Variants in BCL11B observed in about 807,000 individuals in gnomAD.
BCL11B encodes BCL11 transcription factor B, also known as B-cell lymphoma/leukemia 11B.
A neutral mutation model predicts 49.9 loss-of-function variants in BCL11B; 8 were observed. The ratio of observed to expected loss-of-function variants is 0.16; its 90% CI spans 0.09 to 0.29. The LOEUF is 0.29. Ranked by LOEUF, BCL11B falls within the 10% of genes least tolerant of loss-of-function variation. BCL11B has a pLI of 1.00. For synonymous variants in BCL11B, 739 were observed against 637.4 expected, an observed-to-expected ratio of 1.16 and a Z score of -2.40; for missense variants, 1,006 against 1,351.0, an observed-to-expected ratio of 0.74 and a Z score of 4.00.
intron 1 of BCL11B, among the ~76,000 whole-genome samples, chr14:99,259,454 C>T (rs1043798043): frequency 1.3e-5 from 2 of 152,292 alleles, no homozygotes; most frequent in South Asian, 2.1e-4. Context: ...CGATGTAAGA[C>T]GTACAACGCG....
chr14:99,245,950 C>A (rs1595070445), intron 2 of BCL11B, among the ~76,000 whole-genome samples: 2 of 146,824 alleles, frequency 1.4e-5, no homozygotes, highest in East Asian at 4.1e-4. Context: ...CCGACGGGGG[C>A]GGGGGGGAAA....
chr14:99,210,186 G>A (rs1424451438), intron 3 of BCL11B, among the ~76,000 whole-genome samples: 1 of 152,202 alleles, frequency 6.6e-6, no homozygotes. Flanking sequence ...TATGGTATAG[G>A]AGGGAGCAAT....
intron 3 of BCL11B, among the ~76,000 whole-genome samples, chr14:99,219,893 C>T (rs2139863086): frequency 6.6e-6 from 1 of 151,910 alleles, no homozygotes; most frequent in South Asian, 2.1e-4. Flanking sequence ...GGATTCAAGA[C>T]CCTCAACTAA....
chr14:99,233,359 C>T (rs78284991), intron 2 of BCL11B, among the ~76,000 whole-genome samples: 12,858 of 152,182 alleles, frequency 0.084, 763 homozygotes, highest in Non-Finnish European at 0.12. Context: ...GTTGTGTCCC[C>T]GAAGCCCGCA....
chr14:99,190,907 C>CGGTGG (rs1555377598), intron 3 of BCL11B, among the ~76,000 whole-genome samples: 27 of 151,280 alleles, frequency 1.8e-4, no homozygotes, highest in African/African-American at 5.6e-4. Flanking sequence ...TTCGGCCACA[C>CGGTGG]GGGGGGGGTC....
intron 3 of BCL11B, among the ~76,000 whole-genome samples, chr14:99,218,502 C>A (rs1887920161): frequency 6.6e-6 from 1 of 152,124 alleles, no homozygotes; most frequent in East Asian, 1.9e-4. Context: ...AGTCTGAGTG[C>A]TAGCCGAAGG....
chr14:99,238,276 C>T (rs996226224), intron 2 of BCL11B, among the ~76,000 whole-genome samples: 2 of 152,194 alleles, frequency 1.3e-5, no homozygotes, highest in Admixed American at 6.5e-5. Flanking sequence ...CTTTCTCCTC[C>T]TTCCACCAGA....
At position 99,271,296 on chromosome 14, in the gene BCL11B, C is replaced by CCA; in HGVS notation, c.-79_-78insTG. The CCA allele has an allele frequency of 1.1e-6, 1 of 893,742 alleles. No homozygotes were observed. The highest frequency in any genetic ancestry group is 1.5e-6 in the Non-Finnish European group (1 of 683,376). The allele number at this position is 893,742 out of a possible 1,614,324, so 55.4% of individuals were successfully genotyped here. On this transcript the variant is annotated 5_prime_UTR_variant, in exon 1 of 4. Transcript: ENST00000357195. ...CCGGGGGAGGGGGTCCGAGCCGCCGCCGCGCCGCTGCCGCCGCTGCCGCCG... is the reference window on the plus strand; with the variant it reads ...CCGGGGGAGGGGGTCCGAGCCGCCGCCACGCGCCGCTGCCGCCGCTGCCGCCG...
At chr14:99,176,711 T>C (rs1212723982) in intron 3 of BCL11B, among the ~76,000 whole-genome samples, 2 of 152,096 alleles carry the variant, frequency 1.3e-5, no homozygotes, top group Non-Finnish European at 2.9e-5. Context: ...GCAGGATGTT[T>C]AGCAACATCC....
intron 3 of BCL11B, among the ~76,000 whole-genome samples, chr14:99,182,337 G>T (rs759815909): frequency 6.6e-6 from 1 of 152,142 alleles, no homozygotes; most frequent in African/African-American, 2.4e-5. Context: ...TAGGGGATCC[G>T]CCTGGGGCTG....
At position 99,221,224 on chromosome 14, in the gene BCL11B, A is replaced by C. The variant is rs72702651; in HGVS notation, c.640+10121T>G. ...TGGCTAATAAAACCCAAGGAAATTC[A>C]TGCAAAAGAACTTGAGTCAGAACTG... On this transcript the variant is annotated intron_variant, in intron 3 of 3. Coordinates refer to ENST00000357195, the MANE Select transcript of BCL11B (RefSeq NM_138576.4). Among the ~76,000 whole-genome samples, 631 of 152,334 alleles carry C rather than the reference A, an allele frequency of 4.1e-3. 3 individuals carry two copies. Among genetic ancestry groups the C allele is most frequent in the Middle Eastern group, 0.02 (6 of 294 alleles).
intron 1 of BCL11B, among the ~76,000 whole-genome samples, chr14:99,259,786 A>G (rs1378795070): frequency 6.6e-6 from 1 of 152,242 alleles, no homozygotes; most frequent in Non-Finnish European, 1.5e-5. Flanking sequence ...CCACGTAATT[A>G]ATTTACCAAT....
Position 99,248,383 on chromosome 14 carries a change from A to G in BCL11B, c.427+9088T>C, listed in dbSNP as rs1486090732. ...GTCCTGATCACACCCTCCCCTGAGG[A>G]GGCTCCCACTCCCTGTGTGCCCAGA... On this transcript the variant is annotated intron_variant, in intron 2 of 3. Coordinates refer to ENST00000357195, the MANE Select transcript of BCL11B (RefSeq NM_138576.4). This position sits in a 1 kb window ranked among gnomAD's most constrained non-coding sequence, Gnocchi z 4.7. 6.6e-6 allele frequency among the ~76,000 whole-genome samples: 1 copy of G among 152,146 alleles called. No homozygotes were observed. The highest frequency in any genetic ancestry group is 1.5e-5 in the Non-Finnish European group (1 of 68,020).
In BCL11B at chr14:99,271,513, G is replaced by A. The variant is rs1430614351; in HGVS notation, c.-295C>T. 5.0e-5 allele frequency: 8 copies of A among 158,628 alleles called. No individual in the cohort carries two copies. Among genetic ancestry groups the A allele is most frequent in the African/African-American group, 1.6e-4 (6 of 38,076 alleles). 9.8% of individuals were successfully genotyped at this position (158,628 alleles called of 1,614,324 possible). A position where few individuals can be genotyped will look rare whatever the true frequency, so the allele number is the denominator to read the frequency against. On this transcript the variant is annotated 5_prime_UTR_variant, in exon 1 of 4. Transcript: ENST00000357195. ...CTCTCGATCTAAAATAAGAAAAAGA[G>A]GCAAAAAAAAAAAAAACTGCTGTTG...
chr14:99,271,256 C>T lies in BCL11B; in HGVS notation c.-38G>A. ...TATTCTGGCATCGCCCGGAGAGCTG[C>T]ACTGATGGGGGGAGCCGGGGGAGGG... On this transcript the variant is annotated 5_prime_UTR_variant, in exon 1 of 4. Transcript: ENST00000357195. 1 of 1,373,482 alleles carries T rather than the reference C, an allele frequency of 7.3e-7. No individual in the cohort carries two copies. The highest frequency in any genetic ancestry group is 9.4e-7 in the Non-Finnish European group (1 of 1,059,030). The allele number at this position is 1,373,482 out of a possible 1,614,324, so 85.1% of individuals were successfully genotyped here. A position where few individuals can be genotyped will look rare whatever the true frequency, so the allele number is the denominator to read the frequency against.
At chr14:99,246,348 G>A (rs1039621061) in intron 2 of BCL11B, among the ~76,000 whole-genome samples, 3 of 152,250 alleles carry the variant, frequency 2.0e-5, no homozygotes, top group African/African-American at 7.2e-5. Context: ...CCCCACCAAG[G>A]CACAATCAAC....
At chr14:99,218,129 G>A (rs1229890336) in intron 3 of BCL11B, among the ~76,000 whole-genome samples, 11 of 143,042 alleles carry the variant, frequency 7.7e-5, no homozygotes, top group African/African-American at 2.3e-4. Flanking sequence ...GCAGTGGCGC[G>A]ATCTCAGCTC....
chr14:99,271,585 G>GA lies in BCL11B; in HGVS notation c.-368dup, dbSNP rs796169051. 20 of 198,878 alleles carry GA rather than the reference G, an allele frequency of 1.0e-4. No homozygotes were observed. Among genetic ancestry groups the GA allele is most frequent in the South Asian group, 3.8e-4 (2 of 5,236 alleles). The allele number at this position is 198,878 out of a possible 1,614,324, so 12.3% of individuals were successfully genotyped here. ...TCTTTAAAAATATATTCTTTCGAAG[G>GA]AAAAAAAATCTCTTACACTTCTTCA... On this transcript the variant is annotated 5_prime_UTR_variant, in exon 1 of 4. Transcript: ENST00000357195.
At chr14:99,258,735 ACTGTC>A (rs1889249992) in intron 1 of BCL11B, among the ~76,000 whole-genome samples, 1 of 152,078 alleles carries the variant, frequency 6.6e-6, no homozygotes, top group Non-Finnish European at 1.5e-5. Flanking sequence ...TCAACTCCCC[ACTGTC>A]CTTTTCTGTT....
Sources: allele counts gnomAD v4.1 joint callset (sites outside exome capture counted in the v4.1 genomes callset), GRCh38; gene constraint gnomAD v4.1.1; non-coding constraint Gnocchi (gnomAD v3.1); transcripts MANE v1.5; gene names NCBI Gene and HGNC (gene_info 2026-07-23, HGNC 2026-07-21).